The following TMEM132C variants were observed in gnomAD, a reference collection of about 807,000 sequenced individuals.
The protein encoded by TMEM132C is protein phosphatase 1, regulatory subunit 152.
Under a neutral mutation model 61.4 loss-of-function variants are expected in TMEM132C, and 29 were observed. That is an observed-to-expected ratio of 0.47 (90% confidence interval 0.35 to 0.64). TMEM132C has a LOEUF of 0.64. TMEM132C is among the 30% of genes least tolerant of loss of function. The pLI, the probability that TMEM132C is intolerant of heterozygous loss-of-function variation, is 0.00. For synonymous variants in TMEM132C, 656 were observed against 633.1 expected, an observed-to-expected ratio of 1.04 and a Z score of -0.54; for missense variants, 1,408 against 1,476.9, an observed-to-expected ratio of 0.95 and a Z score of 0.76.
intron 1 of TMEM132C, among the ~76,000 whole-genome samples, chr12:128,296,231 G>A (rs960719943): frequency 1.3e-5 from 2 of 152,200 alleles, no homozygotes; most frequent in Admixed American, 1.3e-4. Flanking sequence ...TAATTAGGAT[G>A]CTTTGGGCTG....
chr12:128,682,690 G>C (rs1954645389), intron 5 of TMEM132C, among the ~76,000 whole-genome samples: 1 of 152,196 alleles, frequency 6.6e-6, no homozygotes, highest in Admixed American at 6.5e-5. Context: ...GCCCGCCCCA[G>C]GTGGGAGTGG....
chr12:128,306,774 T>C (rs952291436), intron 1 of TMEM132C, among the ~76,000 whole-genome samples: 1 of 152,046 alleles, frequency 6.6e-6, no homozygotes, highest in Non-Finnish European at 1.5e-5. Flanking sequence ...TTGGAGAAAA[T>C]GAAAAATGAA....
chr12:128,492,584 C>T (rs1871779082), intron 2 of TMEM132C, among the ~76,000 whole-genome samples: 1 of 152,156 alleles, frequency 6.6e-6, no homozygotes, highest in Non-Finnish European at 1.5e-5. Context: ...TTTTCATTTG[C>T]ATTTCTCTGA....
chr12:128,394,072 G>A (rs1197332688), intron 1 of TMEM132C, among the ~76,000 whole-genome samples: 1 of 152,168 alleles, frequency 6.6e-6, no homozygotes, highest in Non-Finnish European at 1.5e-5. Flanking sequence ...CCATGAGGCT[G>A]GGGAGGCCTC....
chr12:128,365,385 A>G (rs980162713), intron 1 of TMEM132C, among the ~76,000 whole-genome samples: 5 of 152,180 alleles, frequency 3.3e-5, no homozygotes, highest in Admixed American at 6.5e-5. Flanking sequence ...TGTCATTATC[A>G]TTATACTATT....
At chr12:128,602,062 A>G (rs1565987647) in intron 3 of TMEM132C, among the ~76,000 whole-genome samples, 1 of 152,060 alleles carries the variant, frequency 6.6e-6, no homozygotes, top group Non-Finnish European at 1.5e-5. Context: ...TAAAATTAAG[A>G]AAATTAGTTG....
At chr12:128,411,721 G>A (rs943581406) in intron 1 of TMEM132C, among the ~76,000 whole-genome samples, 1 of 152,078 alleles carries the variant, frequency 6.6e-6, no homozygotes, top group Non-Finnish European at 1.5e-5. Flanking sequence ...ATCTCATTGA[G>A]GACAGAGTTA....
At chr12:128,661,831 G>C (rs1954393923) in intron 4 of TMEM132C, among the ~76,000 whole-genome samples, 1 of 152,190 alleles carries the variant, frequency 6.6e-6, no homozygotes, top group Non-Finnish European at 1.5e-5. Context: ...CAAAACACAG[G>C]TTGATGAAAG....
At chr12:128,660,503 C>T (rs1160151901) in intron 4 of TMEM132C, among the ~76,000 whole-genome samples, 1 of 152,198 alleles carries the variant, frequency 6.6e-6, no homozygotes, top group Non-Finnish European at 1.5e-5. Flanking sequence ...CTTTGATCCA[C>T]TTAGAAGGGC....
chr12:128,330,589 T>C (rs1262121190), intron 1 of TMEM132C, among the ~76,000 whole-genome samples: 1 of 152,150 alleles, frequency 6.6e-6, no homozygotes, highest in East Asian at 1.9e-4. Context: ...ATTTAATAGA[T>C]TGATTTGAAA....
At chr12:128,697,501 T>C in intron 8 of TMEM132C, 86 bp downstream of exon 8, 1 of 1,344,162 alleles carries the variant, frequency 7.4e-7, no homozygotes. Flanking sequence ...GAGTGAGAAA[T>C]GGGGGCAGGT....
intron 1 of TMEM132C, among the ~76,000 whole-genome samples, chr12:128,379,077 CT>C (rs1194942758): frequency 2.0e-5 from 3 of 152,172 alleles, no homozygotes; most frequent in African/African-American, 7.2e-5. Flanking sequence ...ATGGCCCAGT[CT>C]TTGGTTTGTC....
At chr12:128,649,239 T>A (rs1299469468) in intron 4 of TMEM132C, among the ~76,000 whole-genome samples, 2 of 152,240 alleles carry the variant, frequency 1.3e-5, no homozygotes, top group East Asian at 3.9e-4. Flanking sequence ...GCGGTGCAGG[T>A]CAGCCTGGCT....
At chr12:128,637,124 G>A (rs1954110125) in intron 4 of TMEM132C, among the ~76,000 whole-genome samples, 1 of 152,192 alleles carries the variant, frequency 6.6e-6, no homozygotes, top group African/African-American at 2.4e-5. Context: ...TATACCTCCA[G>A]AAGTGGGATT....
intron 1 of TMEM132C, among the ~76,000 whole-genome samples, chr12:128,408,942 C>T (rs750944007): frequency 9.9e-5 from 15 of 152,036 alleles, no homozygotes; most frequent in Admixed American, 3.9e-4. Flanking sequence ...CATATGCTGG[C>T]GGGTTGCACA....
intron 4 of TMEM132C, among the ~76,000 whole-genome samples, chr12:128,621,806 C>T (rs998425028): frequency 6.6e-6 from 1 of 152,180 alleles, no homozygotes; most frequent in African/African-American, 2.4e-5. Context: ...TTGCCCTGCC[C>T]CTAGGCCTTG....
chr12:128,459,109 C>T (rs1870442752), intron 2 of TMEM132C, among the ~76,000 whole-genome samples: 1 of 152,164 alleles, frequency 6.6e-6, no homozygotes, highest in South Asian at 2.1e-4. Context: ...TTGGAGGAGG[C>T]ATGGAAGGGG....
chr12:128,300,580 C>T (rs1235759228), intron 1 of TMEM132C, among the ~76,000 whole-genome samples: 1 of 152,054 alleles, frequency 6.6e-6, no homozygotes, highest in Non-Finnish European at 1.5e-5. Flanking sequence ...GAGAGGACAC[C>T]AAGCAGCCGT....
chr12:128,421,138 A>G (rs1289659289), intron 2 of TMEM132C, among the ~76,000 whole-genome samples: 1 of 152,154 alleles, frequency 6.6e-6, no homozygotes, highest in Non-Finnish European at 1.5e-5. Flanking sequence ...CTTTTCATCC[A>G]TGAACCACCT....
Sources: allele counts gnomAD v4.1 joint callset (sites outside exome capture counted in the v4.1 genomes callset), GRCh38; gene constraint gnomAD v4.1.1; transcripts MANE v1.5; gene names NCBI Gene and HGNC (gene_info 2026-07-23, HGNC 2026-07-21).